The following ABCA13 variants were observed in gnomAD, a reference collection of about 807,000 sequenced individuals.
ABCA13 encodes ATP-binding cassette sub-family A member 13.
Under a neutral mutation model 478.7 loss-of-function variants are expected in ABCA13, and 476 were observed. The ratio of observed to expected loss-of-function variants is 0.99; its 90% confidence interval spans 0.92 to 1.07. ABCA13 has a LOEUF of 1.07. ABCA13 is among the 50% of genes least tolerant of loss of function. The probability of loss-of-function intolerance (pLI) is 0.00; values close to 1 mark genes in which losing one functional copy is unlikely to be tolerated. For missense variants in ABCA13, 6,060 were observed against 5,910.6 expected, an observed-to-expected ratio of 1.03 and a Z score of -0.83; for synonymous variants, 2,252 against 2,158.9, an observed-to-expected ratio of 1.04 and a Z score of -1.20.
At chr7:48,323,270 G>A (rs190529191) in intron 27 of ABCA13, among the ~76,000 whole-genome samples, 90 of 152,276 alleles carry the variant, frequency 5.9e-4, no homozygotes, top group African/African-American at 2.0e-3. Flanking sequence ...CTTGGCCACC[G>A]TCCCCAGTGC....
At position 48,240,961 on chromosome 7, in the gene ABCA13, A is replaced by C. The variant is rs112120389; in HGVS notation, c.1157A>C (p.Glu386Ala). 1.8e-4 allele frequency: 292 copies of C among 1,613,714 alleles called. 2 individuals are homozygous for C. In the African/African-American group the frequency reaches 3.4e-3, roughly 19 times the overall value. ...GCTCTCAGGAATCAGTTTGAAGAAG[A>C]GAGCAAGCCCTGGAAGGTGGTGGAA... ...LEALRNQFEE[E>A]SKPWKVVEAL... The change falls in exon 10 of 62, where the codon GAG becomes GCG. Residue 386 changes from glutamate (E) to alanine (A), a missense_variant. By Grantham distance (107) the Glu-to-Ala change is moderately radical (BLOSUM62 -1). Coordinates refer to ENST00000435803, the MANE Select transcript of ABCA13 (RefSeq NM_152701.5).
At chr7:48,262,733 G>A (rs576212984) in intron 15 of ABCA13, among the ~76,000 whole-genome samples, 1 of 151,898 alleles carries the variant, frequency 6.6e-6, no homozygotes, top group Non-Finnish European at 1.5e-5. Context: ...ACATTTAGAG[G>A]TGTATGTCAG....
chr7:48,229,627 A>G (rs1788756910), intron 6 of ABCA13, among the ~76,000 whole-genome samples, 198 bp from the exon 7 acceptor site: 1 of 152,202 alleles, frequency 6.6e-6, no homozygotes, highest in Non-Finnish European at 1.5e-5. Context: ...AGAAGACCTT[A>G]CCTCTTACAT....
At chr7:48,547,091 G>A (rs1027943702) in intron 55 of ABCA13, among the ~76,000 whole-genome samples, 1 of 151,824 alleles carries the variant, frequency 6.6e-6, no homozygotes, top group Admixed American at 6.6e-5. Flanking sequence ...CTCTATGTTT[G>A]TATGTATCAA....
At chr7:48,378,992 T>C (rs1813923494) in intron 35 of ABCA13, among the ~76,000 whole-genome samples, 2 of 152,222 alleles carry the variant, frequency 1.3e-5, no homozygotes, top group Admixed American at 1.3e-4. Context: ...GTTTTATATT[T>C]TCTCTTTGTG....
chr7:48,635,559 C>T (rs956618906), intron 59 of ABCA13, among the ~76,000 whole-genome samples: 1 of 152,158 alleles, frequency 6.6e-6, no homozygotes, highest in Non-Finnish European at 1.5e-5. Flanking sequence ...GTCTAATGAG[C>T]CTTTGTCTAA....
Position 48,379,871 on chromosome 7 carries a change from A to G in ABCA13, c.11335+3299A>G, listed in dbSNP as rs1171496029. Among the ~76,000 whole-genome samples the G allele has an allele frequency of 2.6e-5, 4 of 152,374 alleles. No homozygotes were observed. The East Asian group carries it at 7.7e-4, about 29-fold the overall frequency. ...ATCAGGAAATTCCCTTTGTTAACAC[A>G]TGGGGCAGGTAATGACAAAACATAA... On this transcript the variant is annotated intron_variant, in intron 35 of 61. Coordinates refer to ENST00000435803, the MANE Select transcript of ABCA13 (RefSeq NM_152701.5).
At chr7:48,246,501 G>T (rs1791704645) in intron 13 of ABCA13, among the ~76,000 whole-genome samples, 1 of 152,136 alleles carries the variant, frequency 6.6e-6, no homozygotes, top group African/African-American at 2.4e-5. Context: ...GATTTGTTTG[G>T]AAAGATTATT....
intron 15 of ABCA13, among the ~76,000 whole-genome samples, chr7:48,254,638 T>C (rs1793115827): frequency 6.6e-6 from 1 of 152,142 alleles, no homozygotes; most frequent in Non-Finnish European, 1.5e-5. Flanking sequence ...TTTAGTTTTG[T>C]TTCTGGCAGG....
intron 15 of ABCA13, among the ~76,000 whole-genome samples, chr7:48,268,340 G>A (rs893557273): frequency 1.8e-4 from 27 of 151,578 alleles, no homozygotes; most frequent in African/African-American, 6.3e-4. Context: ...TGTATTTTTA[G>A]TAGAGATGGG....
At chr7:48,282,954 G>A (rs1232722597) in intron 19 of ABCA13, among the ~76,000 whole-genome samples, 4 of 152,214 alleles carry the variant, frequency 2.6e-5, no homozygotes, top group Admixed American at 2.6e-4. Flanking sequence ...ATAAGTGCCA[G>A]AAGCTCTTCT....
At chr7:48,369,979 G>T (rs1812382456) in intron 32 of ABCA13, among the ~76,000 whole-genome samples, 1 of 152,006 alleles carries the variant, frequency 6.6e-6, no homozygotes, top group Admixed American at 6.6e-5. Flanking sequence ...ATTGCTTTTG[G>T]CAGTATGGTC....
chr7:48,241,827 C>T (rs1790875664), intron 10 of ABCA13, among the ~76,000 whole-genome samples: 1 of 152,224 alleles, frequency 6.6e-6, no homozygotes, highest in African/African-American at 2.4e-5. Flanking sequence ...CAATTCTAAA[C>T]ACTTCCAGTT....
chr7:48,433,124 T>TA lies in ABCA13; in HGVS notation c.12565+5263dup, dbSNP rs566850058. 7.4e-3 allele frequency among the ~76,000 whole-genome samples: 1,099 copies of TA among 147,826 alleles called. 15 individuals carry two copies. The highest frequency in any genetic ancestry group is 0.025 in the African/African-American group (1,013 of 40,544). On this transcript the variant is annotated intron_variant, in intron 42 of 61. Transcript: ENST00000435803. ...AAACAAATAATAGTTTATGACAGGT[T>TA]AAAAAAAAAAGAAATAAAATCTACC...
chr7:48,454,216 G>T (rs1192315073), intron 42 of ABCA13, among the ~76,000 whole-genome samples: 1 of 152,138 alleles, frequency 6.6e-6, no homozygotes, highest in South Asian at 2.1e-4. Context: ...TGCTTTGGAC[G>T]TCGTTTAAGA....
chr7:48,616,683 G>T (rs1035333052), intron 59 of ABCA13, among the ~76,000 whole-genome samples: 1 of 152,046 alleles, frequency 6.6e-6, no homozygotes, highest in African/African-American at 2.4e-5. Flanking sequence ...ACAAGAAATG[G>T]CTTGTGGGTT....
At chr7:48,407,858 A>C (rs1818466918) in intron 39 of ABCA13, among the ~76,000 whole-genome samples, 1 of 152,124 alleles carries the variant, frequency 6.6e-6, no homozygotes, top group Admixed American at 6.6e-5. Context: ...TATATTATTA[A>C]TAGGTATTAT....
chr7:48,534,478 A>T (rs1343939121), intron 55 of ABCA13, among the ~76,000 whole-genome samples: 1 of 152,114 alleles, frequency 6.6e-6, no homozygotes, highest in Non-Finnish European at 1.5e-5. Flanking sequence ...GGGTTCCTTA[A>T]AACGTAGGTG....
intron 2 of ABCA13, among the ~76,000 whole-genome samples, chr7:48,193,494 G>A (rs548998073): frequency 7.9e-5 from 12 of 152,004 alleles, no homozygotes; most frequent in Non-Finnish European, 1.8e-4. Flanking sequence ...TGATGGTGAT[G>A]ATGATGACAG....
Sources: allele counts gnomAD v4.1 joint callset (sites outside exome capture counted in the v4.1 genomes callset), GRCh38; gene constraint gnomAD v4.1.1; transcripts MANE v1.5; gene names NCBI Gene and HGNC (gene_info 2026-07-23, HGNC 2026-07-21).